Variants in ABCA7 observed in about 807,000 individuals in gnomAD.
ABCA7 encodes ATP binding cassette subfamily A member 7, also known as phospholipid-transporting ATPase ABCA7.
In ABCA7, 261 loss-of-function variants were observed where a neutral mutation model predicts 227.6. The observed-to-expected ratio is 1.15, with a 90% CI of 1.04 to 1.27. The LOEUF (loss-of-function observed/expected upper bound fraction) is 1.27. Ranked by LOEUF, ABCA7 falls within the 50% of genes most tolerant of loss-of-function variation. The probability of loss-of-function intolerance (pLI) is 0.00; values close to 1 mark genes in which losing one functional copy is unlikely to be tolerated. For missense variants in ABCA7, 3,331 were observed against 2,924.5 expected, an observed-to-expected ratio of 1.14 and a Z score of -3.21; for synonymous variants, 1,488 against 1,279.7, an observed-to-expected ratio of 1.16 and a Z score of -3.47.
intron 1 of ABCA7, among the ~76,000 whole-genome samples, chr19:1,040,965 TG>T (rs72559408): frequency 0.035 from 5,325 of 152,120 alleles, 320 homozygotes; most frequent in African/African-American, 0.12. Flanking sequence ...GGCAGGAGGC[TG>T]GGGGTCAGGA....
chr19:1,057,499 G>GTTCT, intron 35 of ABCA7, 70 bp downstream of exon 35: 9 of 1,431,560 alleles, frequency 6.3e-6, no homozygotes, highest in Non-Finnish European at 8.8e-6. Flanking sequence ...ATGCTGCTGA[G>GTTCT]ATAGAACTCT....
chr19:1,041,351 C>T lies in ABCA7; in HGVS notation c.-11C>T. On this transcript the variant is annotated 5_prime_UTR_variant, in exon 2 of 47. Transcript: ENST00000263094. ...CTGACCTCTCTGTCCCGTCCCCTGC[C>T]CAGTCTCACCATGGCCTTCTGGACA... 1 of 1,613,956 alleles carries T rather than the reference C, an allele frequency of 6.2e-7. No individual in the cohort carries two copies. The highest frequency in any genetic ancestry group is 8.5e-7 in the Non-Finnish European group (1 of 1,179,982).
chr19:1,065,034 G>A lies in ABCA7; in HGVS notation c.6148G>A (p.Ala2050Thr). ...GTTCCCTGGGGCGGAGCTGCGCGAG[G>A]CACATGGAGGCCGCCTGCGCTTCCA... Reference protein sequence around the residue: ...AEFPGAELREAHGGRLRFQLP... With the variant: ...AEFPGAELRETHGGRLRFQLP... Residue 2050 changes from alanine to threonine, a missense_variant, in exon 46 of 47, where the codon GCA becomes ACA. Physicochemically the swap from Ala to Thr is moderately conservative, Grantham distance 58 (BLOSUM62 0). Coordinates refer to ENST00000263094, the MANE Select transcript of ABCA7 (RefSeq NM_019112.4). The A allele has an allele frequency of 6.4e-7, 1 of 1,556,492 alleles. No individual in the cohort carries two copies. The highest frequency in any genetic ancestry group is 8.7e-7 in the Non-Finnish European group (1 of 1,152,306).
Position 1,052,210 on chromosome 19 carries a change from G to C in ABCA7, c.3148-4G>C. 6.3e-7 allele frequency: 1 copy of C among 1,588,842 alleles called. No individual in the cohort carries two copies. The highest frequency in any genetic ancestry group is 8.6e-7 in the Non-Finnish European group (1 of 1,168,726). On this transcript the variant is annotated splice_region_variant and splice_polypyrimidine_tract_variant and intron_variant, in intron 22 of 46. Transcript: ENST00000263094. Reference sequence around the variant, plus strand: ...CAAGCCACTTGGTGCCTCTCTGCCCGCAGGCTGACACTGACATGGAGGGCA... The same window carrying C: ...CAAGCCACTTGGTGCCTCTCTGCCCCCAGGCTGACACTGACATGGAGGGCA...
Position 1,053,326 on chromosome 19 carries a change from C to G in ABCA7, c.3221-3C>G, listed in dbSNP as rs2041944507. On this transcript the variant is annotated splice_region_variant and splice_polypyrimidine_tract_variant and intron_variant, in intron 23 of 46. Transcript: ENST00000263094. ...TCCCTGAAGCACCCCTTTGTCCACA[C>G]AGGCACTCCTCAGCTGCTGGCCCTG... 34 of 1,607,746 alleles carry G rather than the reference C, an allele frequency of 2.1e-5. No individual in the cohort carries two copies. Among genetic ancestry groups the G allele is most frequent in the Non-Finnish European group, 2.7e-5 (32 of 1,178,492 alleles).
intron 1 of ABCA7, 125 bp downstream of exon 1, chr19:1,040,321 C>G (rs1599533916): frequency 6.6e-6 from 1 of 152,218 alleles, no homozygotes; most frequent in East Asian, 1.9e-4. Flanking sequence ...TGAATGTTGA[C>G]GACGGCTGAA....
In ABCA7 at chr19:1,053,488, T is replaced by C. The variant is rs769078248; in HGVS notation, c.3380T>C (p.Leu1127Pro). ...GAGCTAGACACGCGGCTGGCGGAGC[T>C]GAGGCTCACTGGCTACGGGATCTCC... ...FRELDTRLAE[L>P]RLTGYGISDT... is the part of the protein sequence containing the mutation. Residue 1127 changes from leucine to proline, a missense_variant, in exon 24 of 47, where the codon CTG becomes CCG. Transcript: ENST00000263094. The C allele has an allele frequency of 4.0e-5, 64 of 1,584,034 alleles. No individual in the cohort carries two copies. The highest frequency in any genetic ancestry group is 5.0e-5 in the Non-Finnish European group (58 of 1,169,000).
intron 12 of ABCA7, 25 bp downstream of exon 12, chr19:1,045,256 G>GT: frequency 1.4e-5 from 12 of 861,924 alleles, no homozygotes; most frequent in Non-Finnish European, 2.2e-5. Context: ...GGGGCGGGGG[G>GT]ATGAGGGACT....
At chr19:1,061,134 C>G (rs1289240422) in intron 40 of ABCA7, among the ~76,000 whole-genome samples, 1 of 152,104 alleles carries the variant, frequency 6.6e-6, no homozygotes, top group Non-Finnish European at 1.5e-5. Flanking sequence ...TGGTGGCTCA[C>G]AGCTGTAACC....
rs780830913 is a variant in ABCA7, at chr19:1,047,385, G to A, written c.2067+7G>A. ...GGGTGGCCGCGTGGCCGCGGTGAGAGCCGGGTCGGGCGTGGATGGGGGACG... is the reference window on the plus strand; with the variant it reads ...GGGTGGCCGCGTGGCCGCGGTGAGAACCGGGTCGGGCGTGGATGGGGGACG... On this transcript the variant is annotated splice_region_variant and intron_variant, in intron 15 of 46. Transcript: ENST00000263094. 2.6e-6 allele frequency: 4 copies of A among 1,560,872 alleles called. No individual in the cohort carries two copies. In the South Asian group the frequency reaches 3.4e-5, roughly 13 times the overall value.
intron 16 of ABCA7, among the ~76,000 whole-genome samples, chr19:1,048,523 A>AC (rs2040979615): frequency 6.9e-6 from 1 of 144,650 alleles, no homozygotes; most frequent in Non-Finnish European, 1.5e-5. Flanking sequence ...AAAAAAAAAA[A>AC]ACAAGGCCGG....
intron 23 of ABCA7, 69 bp from the exon 24 acceptor site, chr19:1,053,260 C>T: frequency 6.7e-7 from 1 of 1,487,852 alleles, no homozygotes; most frequent in Non-Finnish European, 9.1e-7. Flanking sequence ...GTCACCAATG[C>T]CTCTTCCCCA....
intron 40 of ABCA7, 129 bp downstream of exon 40, chr19:1,059,214 A>G: frequency 1.5e-6 from 1 of 685,934 alleles, no homozygotes; most frequent in Non-Finnish European, 2.1e-6. Context: ...ACTGTATGCC[A>G]ATATTTGTGC....
At chr19:1,044,966 A>G in intron 11 of ABCA7, 36 bp from the exon 12 acceptor site, 2 of 1,603,170 alleles carry the variant, frequency 1.2e-6, no homozygotes, top group Non-Finnish European at 1.7e-6. Flanking sequence ...AGGCAGGCGG[A>G]CCCCAGCGCC....
At position 1,061,847 on chromosome 19, in the gene ABCA7, C is replaced by A. The variant is rs201473354; in HGVS notation, c.5529C>A (p.Asp1843Glu). 8 of 1,605,016 alleles carry A rather than the reference C, an allele frequency of 5.0e-6. No homozygotes were observed. Among genetic ancestry groups the A allele is most frequent in the African/African-American group, 1.3e-5 (1 of 74,152 alleles). The change falls in exon 41 of 47, where the codon GAC becomes GAA. Residue 1843 changes from aspartate (D) to glutamate (E), a missense_variant. By Grantham distance (45) the Asp-to-Glu change is conservative (BLOSUM62 2). Transcript: ENST00000263094. ...CCACGTTTCGCATGGTGACGGGGGA[C>A]ACATTGGCCAGCAGGGGCGAGGCTG... ...KTSTFRMVTG[D>E]TLASRGEAVL... is the part of the protein sequence containing the mutation.
rs752709088 is a variant in ABCA7, at chr19:1,063,590, ACCGG to A, written c.5762_5765del (p.Arg1921LeufsTer57). The A allele has an allele frequency of 1.9e-6, 3 of 1,611,072 alleles. No individual in the cohort carries two copies. In the African/African-American group the frequency reaches 4.0e-5, roughly 22 times the overall value. Reference sequence around the variant, plus strand: ...CGTCTGGGACTCTCATGGTACGCAGACCGGCCTGCAGGCACCTACAGCGGAGGGA... The same window carrying A: ...CGTCTGGGACTCTCATGGTACGCAGACCTGCAGGCACCTACAGCGGAGGGA... On this transcript the variant is annotated frameshift_variant, in exon 43 of 47. Coordinates refer to ENST00000263094, the MANE Select transcript of ABCA7 (RefSeq NM_019112.4). LOFTEE classifies it high-confidence loss of function.
Position 1,065,350 on chromosome 19 carries a change from C to T in ABCA7, c.6366C>T (p.Pro2122=), listed in dbSNP as rs746436089. Residue 2122 remains proline, a synonymous_variant, in exon 47 of 47, where the codon CCC becomes CCT. Coordinates refer to ENST00000263094, the MANE Select transcript of ABCA7 (RefSeq NM_019112.4). ...EQKEAGVGVD[P]APGLQHPKRV... is the part of the protein sequence containing the mutation. ...AGGAGGCAGGAGTGGGAGTGGACCC[C>T]GCGCCAGGCCTGCAGCACCCCAAAC... The T allele has an allele frequency of 1.2e-6, 2 of 1,613,496 alleles. No homozygotes were observed. The highest frequency in any genetic ancestry group is 1.3e-5 in the African/African-American group (1 of 74,914).
rs753703299 is a variant in ABCA7 at position 1,051,548 on chromosome 19, G to A, written c.2924G>A (p.Arg975His). Residue 975 changes from arginine (R) to histidine (H), a missense_variant, in exon 21 of 47, where the codon CGC becomes CAC. Transcript: ENST00000263094. ...EPTAGVDPASRRGIWELLLKY... is the reference protein window; with the variant it reads ...EPTAGVDPASHRGIWELLLKY... ...ACGGCTGGCGTGGATCCTGCTTCCC[G>A]CCGCGGTATTTGGGAGCTGCTGCTC... 32 of 1,612,482 alleles carry A rather than the reference G, an allele frequency of 2.0e-5. No individual in the cohort carries two copies. In the African/African-American group the frequency reaches 2.0e-4, roughly 10 times the overall value.
rs1253744340 is a variant in ABCA7 at position 1,046,255 on chromosome 19, G to A, written c.1471G>A (p.Asp491Asn). 6.2e-7 allele frequency: 1 copy of A among 1,607,102 alleles called. No homozygotes were observed. The highest frequency in any genetic ancestry group is 1.1e-5 in the South Asian group (1 of 91,068). The part of the protein sequence containing the change: ...DRFWDPGPAA[D>N]PLTDLRYVWG... Reference sequence around the variant, plus strand: ...GTTTTGGGACCCTGGCCCAGCCGCGGACCCCCTGACCGACCTGCGCTACGT... The same window carrying A: ...GTTTTGGGACCCTGGCCCAGCCGCGAACCCCCTGACCGACCTGCGCTACGT... Residue 491 changes from aspartate to asparagine, a missense_variant, in exon 13 of 47, where the codon GAC becomes AAC. Asp to Asn is a conservative substitution (Grantham distance 23). Transcript: ENST00000263094.
Sources: allele counts gnomAD v4.1 joint callset (sites outside exome capture counted in the v4.1 genomes callset), GRCh38; gene constraint gnomAD v4.1.1; transcripts MANE v1.5; gene names NCBI Gene and HGNC (gene_info 2026-07-23, HGNC 2026-07-21).